Variants in HMCN2 observed in about 807,000 individuals in gnomAD.
The protein encoded by HMCN2 is hemicentin-2.
HMCN2 carries 325 observed loss-of-function variants against 377.5 expected under a neutral mutation model. That is an observed-to-expected ratio of 0.86 (90% CI 0.79 to 0.94). The LOEUF (loss-of-function observed/expected upper bound fraction) is 0.94. Among genes scored for constraint, HMCN2 ranks in the 40% least tolerant of loss-of-function variants. HMCN2 has a pLI of 0.00. For missense variants in HMCN2, 4,543 were observed against 4,725.3 expected, an observed-to-expected ratio of 0.96 and a Z score of 1.13; for synonymous variants, 2,007 against 2,046.8, an observed-to-expected ratio of 0.98 and a Z score of 0.53.
At chr9:130,370,055 T>C (rs1430914886) in intron 45 of HMCN2, among the ~76,000 whole-genome samples, 1 of 150,358 alleles carries the variant, frequency 6.7e-6, no homozygotes, top group African/African-American at 2.5e-5. Context: ...TGGCCCCAAT[T>C]TCCCCCAATT....
chr9:130,400,160 A>T (rs1309952273), intron 76 of HMCN2: 1 of 152,534 alleles, frequency 6.6e-6, no homozygotes, highest in Non-Finnish European at 1.5e-5. Context: ...GTTAAATGCC[A>T]CTTCCCCTGG....
At chr9:130,429,926 T>A in intron 94 of HMCN2, 1 of 706,612 alleles carries the variant, frequency 1.4e-6, no homozygotes, top group Non-Finnish European at 2.2e-6. Flanking sequence ...CCTGACCCTG[T>A]GGGGTCATCT....
At chr9:130,376,763 G>A (rs1841404243) in intron 52 of HMCN2, 105 bp downstream of exon 52, 1 of 612,958 alleles carries the variant, frequency 1.6e-6, no homozygotes, top group Non-Finnish European at 2.0e-6. Flanking sequence ...CCTAGCCCTA[G>A]AGCTGGTCCG....
chr9:130,298,340 C>T (rs998368116), intron 7 of HMCN2, among the ~76,000 whole-genome samples: 1 of 152,218 alleles, frequency 6.6e-6, no homozygotes, highest in Admixed American at 6.5e-5. Context: ...GCCTGGACAA[C>T]ACAGCAAGAC....
chr9:130,415,055 C>A (rs764404456), intron 85 of HMCN2, among the ~76,000 whole-genome samples: 1 of 152,210 alleles, frequency 6.6e-6, no homozygotes, highest in African/African-American at 2.4e-5. Flanking sequence ...CCAACTCCCA[C>A]CGATCCCCAG....
intron 25 of HMCN2, among the ~76,000 whole-genome samples, chr9:130,344,018 C>A (rs935589607): frequency 6.6e-6 from 1 of 151,696 alleles, no homozygotes; most frequent in Non-Finnish European, 1.5e-5. Flanking sequence ...GAGGGGGCGG[C>A]GTGAGGGACC....
intron 79 of HMCN2, 138 bp downstream of exon 79, chr9:130,403,466 C>T (rs975963637): frequency 6.9e-5 from 68 of 981,852 alleles, no homozygotes; most frequent in Non-Finnish European, 8.6e-5. Flanking sequence ...TGCCCAGATA[C>T]GCCCCCACCC....
chr9:130,295,150 A>T (rs1471536638), intron 5 of HMCN2, 124 bp downstream of exon 5: 1 of 292,010 alleles, frequency 3.4e-6, no homozygotes, highest in Non-Finnish European at 7.0e-6. Flanking sequence ...GAATAGGGAA[A>T]TATGGGGTGG....
In HMCN2 at chr9:130,281,138, C is replaced by G. The variant is rs570003639; in HGVS notation, c.260-3465C>G. Among the ~76,000 whole-genome samples the G allele has an allele frequency of 1.2e-3, 177 of 152,000 alleles. 2 individuals carry two copies. Among genetic ancestry groups the G allele is most frequent in the African/African-American group, 4.2e-3 (174 of 41,462 alleles). On this transcript the variant is annotated intron_variant, in intron 1 of 97. Transcript: ENST00000683500. ...AAATACAGGCAGTTGTGCCCCTTCC[C>G]TTTTTTGTTTTGCTTTGTTTTGCCT... is the stretch of plus-strand genomic sequence containing the variant.
At chr9:130,362,732 G>T in intron 39 of HMCN2, 135 bp from the exon 40 acceptor site, 1 of 615,914 alleles carries the variant, frequency 1.6e-6, no homozygotes, top group Non-Finnish European at 2.0e-6. Flanking sequence ...CCTGCATCAT[G>T]AGGGGCTCTG....
intron 1 of HMCN2, among the ~76,000 whole-genome samples, chr9:130,266,893 C>T (rs1171036722): frequency 6.6e-6 from 1 of 152,086 alleles, no homozygotes; most frequent in African/African-American, 2.4e-5. Context: ...CCAGGGACAG[C>T]GGTTGCTGAG....
chr9:130,329,969 TC>T (rs1181118348), intron 22 of HMCN2, among the ~76,000 whole-genome samples: 11 of 123,062 alleles, frequency 8.9e-5, no homozygotes, highest in African/African-American at 1.9e-4. Flanking sequence ...CCTCCTCCCC[TC>T]CCCCCCTTCC....
chr9:130,276,890 C>G (rs782184618), intron 1 of HMCN2, among the ~76,000 whole-genome samples: 12 of 152,180 alleles, frequency 7.9e-5, no homozygotes, highest in African/African-American at 2.9e-4. Context: ...GTCACTGCAG[C>G]TGGAGGAGGG....
At chr9:130,317,507 T>TCTCTCTCTC (rs1837627187) in intron 15 of HMCN2, among the ~76,000 whole-genome samples, 3 of 133,070 alleles carry the variant, frequency 2.3e-5, no homozygotes, top group Admixed American at 7.4e-5. Context: ...CTCTCTCTCT[T>TCTCTCTCTC]TTTTGTAGAC....
chr9:130,297,324 G>A (rs888276676), intron 7 of HMCN2, among the ~76,000 whole-genome samples: 2 of 152,254 alleles, frequency 1.3e-5, no homozygotes, highest in African/African-American at 4.8e-5. Context: ...GATATTGAGG[G>A]TGGAGGCACA....
intron 6 of HMCN2, among the ~76,000 whole-genome samples, chr9:130,296,430 A>G (rs1554932117): frequency 6.6e-6 from 1 of 152,170 alleles, no homozygotes; most frequent in East Asian, 1.9e-4. Context: ...GGCTGAGGCG[A>G]GCTGAGGGGC....
chr9:130,365,777 C>T (rs961319432), intron 42 of HMCN2, 50 bp downstream of exon 42: 6 of 974,782 alleles, frequency 6.2e-6, no homozygotes, highest in East Asian at 1.1e-4. Flanking sequence ...GCCTTGATTG[C>T]GTCCCAGGAC....
chr9:130,322,164 A>T (rs1837884898), intron 19 of HMCN2, among the ~76,000 whole-genome samples: 1 of 152,184 alleles, frequency 6.6e-6, no homozygotes, highest in Non-Finnish European at 1.5e-5. Flanking sequence ...CATACTCTAT[A>T]CACACACACT....
At chr9:130,425,992 C>T (rs760783124) in intron 90 of HMCN2, 68 bp downstream of exon 90, 25 of 1,220,710 alleles carry the variant, frequency 2.0e-5, no homozygotes, top group South Asian at 2.8e-5. Context: ...CCCAAATGCA[C>T]GTGGCTGGAA....
Sources: gnomAD v4.1 joint callset for allele counts (sites outside exome capture counted in the v4.1 genomes callset) on GRCh38, gnomAD v4.1.1 for gene constraint, MANE v1.5 for transcripts, NCBI Gene and HGNC (gene_info 2026-07-23, HGNC 2026-07-21) for gene names.